The following TMEM178B variants were observed in gnomAD, a reference collection of about 807,000 sequenced individuals.
TMEM178B encodes the protein transmembrane protein 178B.
In TMEM178B, 5 loss-of-function variants were observed where a neutral mutation model predicts 31.0. The observed-to-expected ratio is 0.16, with a 90% CI of 0.08 to 0.34. The LOEUF (loss-of-function observed/expected upper bound fraction) is 0.34. TMEM178B is among the 10% of genes least tolerant of loss of function. The probability of loss-of-function intolerance (pLI) is 1.00; values close to 1 mark genes in which losing one functional copy is unlikely to be tolerated. For synonymous variants in TMEM178B, 164 were observed against 164.0 expected, an observed-to-expected ratio of 1.00 and a Z score of 0.00; for missense variants, 275 against 400.3, an observed-to-expected ratio of 0.69 and a Z score of 2.67.
intron 1 of TMEM178B, among the ~76,000 whole-genome samples, chr7:141,122,003 A>G (rs928007321): frequency 3.3e-5 from 5 of 152,070 alleles, no homozygotes; most frequent in African/African-American, 1.2e-4. Flanking sequence ...CCCCACTTAA[A>G]CCCTTTCCTT....
At chr7:141,396,859 G>A (rs1379743465) in intron 2 of TMEM178B, among the ~76,000 whole-genome samples, 1 of 152,204 alleles carries the variant, frequency 6.6e-6, no homozygotes, top group Non-Finnish European at 1.5e-5. Flanking sequence ...GTCGCTGAGG[G>A]TTGGGGGTTG....
At chr7:141,303,629 C>T (rs938314031) in intron 2 of TMEM178B, among the ~76,000 whole-genome samples, 18 of 152,188 alleles carry the variant, frequency 1.2e-4, no homozygotes, top group Admixed American at 2.6e-4. Context: ...GGCTGTACAA[C>T]ACGTGCAACC....
At chr7:141,413,549 C>A (rs1030699403) in intron 2 of TMEM178B, among the ~76,000 whole-genome samples, 10 of 152,176 alleles carry the variant, frequency 6.6e-5, no homozygotes, top group African/African-American at 2.2e-4. Context: ...ATCCTTTTTT[C>A]TGGCATTCTT....
intron 1 of TMEM178B, among the ~76,000 whole-genome samples, chr7:141,158,114 G>GAGACTC (rs1586800855): frequency 6.6e-6 from 1 of 151,862 alleles, no homozygotes; most frequent in East Asian, 1.9e-4. Flanking sequence ...TTTGTTTTTT[G>GAGACTC]AGATGGAGTC....
intron 1 of TMEM178B, among the ~76,000 whole-genome samples, chr7:141,122,584 G>A (rs531989659): frequency 3.3e-5 from 5 of 152,242 alleles, no homozygotes; most frequent in Non-Finnish European, 5.9e-5. Context: ...CGTGGGAGAT[G>A]AAATGCTGGG....
At chr7:141,269,399 T>C (rs1798145394) in intron 2 of TMEM178B, among the ~76,000 whole-genome samples, 1 of 152,064 alleles carries the variant, frequency 6.6e-6, no homozygotes, top group Admixed American at 6.5e-5. Flanking sequence ...CTGGCCTTTG[T>C]TTCCTAATTT....
chr7:141,488,727 C>T, the TMEM178B span, among the ~76,000 whole-genome samples: 3 of 151,984 alleles, frequency 2.0e-5, no homozygotes, highest in South Asian at 2.1e-4. Context: ...CATGAGCCAC[C>T]GCGCCCGGCC....
chr7:141,240,174 C>T (rs1797596632), intron 2 of TMEM178B, among the ~76,000 whole-genome samples: 1 of 152,140 alleles, frequency 6.6e-6, no homozygotes, highest in South Asian at 2.1e-4. Context: ...GTAGTGGCTA[C>T]TGTATTGGAT....
At position 141,332,566 on chromosome 7, in the gene TMEM178B, G is replaced by A. The variant is rs542598565; in HGVS notation, c.497-105042G>A. 2.6e-5 allele frequency among the ~76,000 whole-genome samples: 4 copies of A among 152,136 alleles called. No individual in the cohort carries two copies. The East Asian group carries it at 7.7e-4, about 29-fold the overall frequency. On this transcript the variant is annotated intron_variant, in intron 2 of 3. Transcript: ENST00000565468. ...AGCTCCCTCATCATGTGAATGTCACGGGAATGTCTGTGAAGGTTTTCAAGC... is the reference window on the plus strand; with the variant it reads ...AGCTCCCTCATCATGTGAATGTCACAGGAATGTCTGTGAAGGTTTTCAAGC...
chr7:141,393,385 CAG>C (rs753867146), intron 2 of TMEM178B, among the ~76,000 whole-genome samples: 2 of 152,160 alleles, frequency 1.3e-5, no homozygotes, highest in Non-Finnish European at 2.9e-5. Context: ...AAAATAACGA[CAG>C]AATCCATGCT....
chr7:141,440,823 G>T (rs1801644175), intron 3 of TMEM178B, among the ~76,000 whole-genome samples: 1 of 152,184 alleles, frequency 6.6e-6, no homozygotes. Context: ...CCACAGATCA[G>T]GTCGCCTTCT....
At chr7:141,101,874 T>A (rs1202683508) in intron 1 of TMEM178B, among the ~76,000 whole-genome samples, 4 of 151,996 alleles carry the variant, frequency 2.6e-5, no homozygotes, top group Non-Finnish European at 4.4e-5. Context: ...ACCCTCTATT[T>A]TTTTTCTTCA....
chr7:141,210,615 G>T (rs1212489664), intron 1 of TMEM178B, among the ~76,000 whole-genome samples: 2 of 152,152 alleles, frequency 1.3e-5, no homozygotes, highest in Non-Finnish European at 2.9e-5. Flanking sequence ...TAGGTTCCAG[G>T]TGTGCTGGAA....
At position 141,192,476 on chromosome 7, in the gene TMEM178B, C is replaced by G. The variant is rs1009740025; in HGVS notation, c.383-20115C>G. ...TGAGAGATGGGAAGGAATGGGGACT[C>G]TCCATGCAGCGGTCTTTTTTTTTTT... On this transcript the variant is annotated intron_variant, in intron 1 of 3. Transcript: ENST00000565468. Among the ~76,000 whole-genome samples the G allele has an allele frequency of 2.1e-5, 3 of 146,120 alleles. No individual in the cohort carries two copies. The Admixed American group carries it at 2.1e-4, about 10-fold the overall frequency.
chr7:141,176,650 T>TATTCAGGG (rs1180960218), intron 1 of TMEM178B, among the ~76,000 whole-genome samples: 1 of 152,232 alleles, frequency 6.6e-6, no homozygotes, highest in African/African-American at 2.4e-5. Context: ...GTTATTGGTC[T>TATTCAGGG]ATTCAGGGAT....
At chr7:141,142,600 G>A (rs973627521) in intron 1 of TMEM178B, among the ~76,000 whole-genome samples, 4 of 151,896 alleles carry the variant, frequency 2.6e-5, no homozygotes, top group African/African-American at 9.7e-5. Context: ...GTAGAGATGG[G>A]GTTTCACTGT....
chr7:141,271,789 C>T lies in TMEM178B; in HGVS notation c.496+59085C>T, dbSNP rs552515685. ...GTGCTGCCTAGTGCTTCACTTGTAT[C>T]ATCTCCTCTATTCTCCATGACAATC... On this transcript the variant is annotated intron_variant, in intron 2 of 3. Coordinates refer to ENST00000565468, the MANE Select transcript of TMEM178B (RefSeq NM_001195278.2). Among the ~76,000 whole-genome samples, 84 of 152,308 alleles carry T rather than the reference C, an allele frequency of 5.5e-4. 1 individual carries two copies. In the South Asian group the frequency reaches 0.017, roughly 31 times the overall value.
intron 1 of TMEM178B, among the ~76,000 whole-genome samples, chr7:141,154,144 G>C (rs1419493247): frequency 6.6e-6 from 1 of 152,252 alleles, no homozygotes; most frequent in Non-Finnish European, 1.5e-5. Context: ...TCAGCTGGGG[G>C]CTGATTGAAT....
At chr7:141,383,689 G>C (rs536089423) in intron 2 of TMEM178B, among the ~76,000 whole-genome samples, 28 of 152,288 alleles carry the variant, frequency 1.8e-4, no homozygotes, top group African/African-American at 6.7e-4. Context: ...ACGTGTGCTT[G>C]TATCTTTATA....
Sources: gnomAD v4.1 joint callset for allele counts (sites outside exome capture counted in the v4.1 genomes callset) on GRCh38, gnomAD v4.1.1 for gene constraint, MANE v1.5 for transcripts, NCBI Gene and HGNC (gene_info 2026-07-23, HGNC 2026-07-21) for gene names.